Variants in RASEF observed in about 807,000 individuals in gnomAD.
RASEF encodes the protein ras and EF-hand domain-containing protein.
Under a neutral mutation model 90.1 loss-of-function variants are expected in RASEF, and 68 were observed. The ratio of observed to expected loss-of-function variants is 0.75; its 90% CI spans 0.62 to 0.92. The LOEUF is 0.92. RASEF is among the 40% of genes least tolerant of loss of function. The pLI is 0.00. For synonymous variants in RASEF, 331 were observed against 345.2 expected (o/e 0.96, Z 0.46); for missense variants, 949 against 937.2 (o/e 1.01, Z -0.16).
intron 1 of RASEF, chr9:83,055,089 GGCT>G (rs1454567855): frequency 6.3e-6 from 1 of 158,820 alleles, no homozygotes; most frequent in African/African-American, 2.7e-5. Context: ...CGAGCTTCCA[GGCT>G]GCTTTGTTTA....
At chr9:83,181,172 G>A in the RASEF span, among the ~76,000 whole-genome samples, 2 of 149,786 alleles carry the variant, frequency 1.3e-5, no homozygotes, top group African/African-American at 4.9e-5. Flanking sequence ...CCAGAATGGG[G>A]AAAGCCTGAT....
intron 7 of RASEF, 112 bp from the exon 8 acceptor site, chr9:83,005,612 C>A (rs1829115079): frequency 2.6e-6 from 2 of 775,868 alleles, no homozygotes; most frequent in Non-Finnish European, 2.2e-6. Flanking sequence ...AGCTTATCAT[C>A]TTCTGCAACT....
the RASEF span, among the ~76,000 whole-genome samples, chr9:83,195,657 A>C: frequency 6.6e-6 from 1 of 152,052 alleles, no homozygotes; most frequent in Admixed American, 6.6e-5. Flanking sequence ...AGAAACATAG[A>C]TATGTAAGTG....
intron 1 of RASEF, among the ~76,000 whole-genome samples, chr9:83,030,272 G>C (rs1829621656): frequency 1.3e-5 from 2 of 151,876 alleles, no homozygotes; most frequent in Non-Finnish European, 2.9e-5. Flanking sequence ...CAGGAGAATT[G>C]CTTGAACCCA....
At chr9:83,141,143 C>CAA in the RASEF span, among the ~76,000 whole-genome samples, 22,075 of 108,450 alleles carry the variant, frequency 0.2, 2,002 homozygotes, top group Middle Eastern at 0.25. Context: ...AATTCCATCT[C>CAA]AAAAAAAAAA....
At chr9:83,083,801 T>C in the RASEF span, among the ~76,000 whole-genome samples, 1 of 152,252 alleles carries the variant, frequency 6.6e-6, no homozygotes, top group Non-Finnish European at 1.5e-5. Context: ...TGGTACAGCC[T>C]TTCTTAAAAA....
intron 1 of RASEF, among the ~76,000 whole-genome samples, chr9:83,034,219 T>G (rs1361347026): frequency 6.6e-6 from 1 of 152,180 alleles, no homozygotes; most frequent in African/African-American, 2.4e-5. Flanking sequence ...GCTATCCAGC[T>G]CTCCAATCTA....
chr9:83,144,391 G>GGAAAGAAGGAAAGAAAGAAA, the RASEF span, among the ~76,000 whole-genome samples: 1 of 33,242 alleles, frequency 3.0e-5, no homozygotes, highest in Admixed American at 4.3e-4. Flanking sequence ...AAGAAAGAAA[G>GGAAAGAAGGAAAGAAAGAAA]GAAAGAAAGA....
the RASEF span, among the ~76,000 whole-genome samples, chr9:83,114,268 C>T: frequency 6.6e-6 from 1 of 152,210 alleles, no homozygotes; most frequent in African/African-American, 2.4e-5. Context: ...CTTATCACTT[C>T]CCCAATCAAT....
intron 1 of RASEF, chr9:83,048,395 A>G: frequency 2.0e-6 from 2 of 985,340 alleles, no homozygotes; most frequent in African/African-American, 3.5e-5. Context: ...CTACCTCGTG[A>G]TTCTTGCTAC....
chr9:83,055,846 AG>A (rs1206004785), intron 1 of RASEF, among the ~76,000 whole-genome samples: 2 of 152,230 alleles, frequency 1.3e-5, no homozygotes, highest in African/African-American at 4.8e-5. Flanking sequence ...TCCCAATTTG[AG>A]AAACATTCGA....
At position 83,001,016 on chromosome 9, in the gene RASEF, G is replaced by A. The variant is rs373769309; in HGVS notation, c.1317C>T (p.Gly439=). 4 of 1,614,176 alleles carry A rather than the reference G, an allele frequency of 2.5e-6. No homozygotes were observed. Among genetic ancestry groups the A allele is most frequent in the East Asian group, 2.2e-5 (1 of 44,860 alleles). ...CATTGGGATCTCTCAAGGTAGACAA[G>A]CCGCTGTCGAAGCAGCTTTCAGGCA... ...DSLPESCFDS[G]LSTLRDPNEY... is the part of the protein sequence containing the mutation. Residue 439 remains glycine, a synonymous_variant, in exon 10 of 17, where the codon GGC becomes GGT. Coordinates refer to ENST00000376447, the MANE Select transcript of RASEF (RefSeq NM_152573.4).
chr9:83,004,442 TTTCC>T, intron 9 of RASEF, 52 bp downstream of exon 9: 1 of 909,128 alleles, frequency 1.1e-6, no homozygotes, highest in African/African-American at 3.1e-5. Flanking sequence ...GGAAATTTAC[TTTCC>T]TTTTAACTGT....
chr9:83,043,963 C>T (rs972661517), intron 1 of RASEF, among the ~76,000 whole-genome samples: 6 of 152,152 alleles, frequency 3.9e-5, no homozygotes, highest in Non-Finnish European at 8.8e-5. Context: ...CTGCTGGGAA[C>T]GGAATAATGA....
the RASEF span, among the ~76,000 whole-genome samples, chr9:83,162,316 GAA>G: frequency 2.6e-5 from 4 of 152,034 alleles, no homozygotes; most frequent in Non-Finnish European, 4.4e-5. Context: ...TATTTAAAAA[GAA>G]GTTCACATAA....
At chr9:82,987,494 C>G (rs1828730107) in intron 16 of RASEF, among the ~76,000 whole-genome samples, 1 of 152,160 alleles carries the variant, frequency 6.6e-6, no homozygotes. Context: ...TAAACACACA[C>G]AAGCTAGTGT....
At chr9:83,023,923 C>A (rs1438994715) in intron 2 of RASEF, among the ~76,000 whole-genome samples, 1 of 152,198 alleles carries the variant, frequency 6.6e-6, no homozygotes, top group Non-Finnish European at 1.5e-5. Context: ...CAGGGTGATG[C>A]ATAATCACAG....
At chr9:83,185,165 T>C in the RASEF span, among the ~76,000 whole-genome samples, 2 of 152,122 alleles carry the variant, frequency 1.3e-5, no homozygotes, top group Non-Finnish European at 2.9e-5. Context: ...ATTTTTATCA[T>C]TATTTTTAAT....
chr9:83,042,246 A>G (rs1260492576), intron 1 of RASEF, among the ~76,000 whole-genome samples: 2 of 152,200 alleles, frequency 1.3e-5, no homozygotes, highest in Non-Finnish European at 2.9e-5. Flanking sequence ...AACTATATAG[A>G]AAGTTGTCAT....
Sources: gnomAD v4.1 joint callset for allele counts (sites outside exome capture counted in the v4.1 genomes callset) on GRCh38, gnomAD v4.1.1 for gene constraint, MANE v1.5 for transcripts, NCBI Gene and HGNC (gene_info 2026-07-23, HGNC 2026-07-21) for gene names.